ENTPD7: variants seen among roughly 807,000 people sequenced by gnomAD.
ENTPD7 encodes NTPDase 7.
A neutral mutation model predicts 77.9 loss-of-function variants in ENTPD7; 53 were observed. The observed-to-expected ratio is 0.68, with a 90% CI of 0.55 to 0.85. ENTPD7 has a LOEUF of 0.85. ENTPD7 is among the 40% of genes least tolerant of loss of function. The probability of loss-of-function intolerance (pLI) is 0.00; values close to 1 mark genes in which losing one functional copy is unlikely to be tolerated. For synonymous variants in ENTPD7, 248 were observed against 274.9 expected (o/e 0.90, Z 0.97); for missense variants, 636 against 743.7 (o/e 0.86, Z 1.68).
chr10:99,675,538 C>T (rs1450741874), intron 3 of ENTPD7, among the ~76,000 whole-genome samples: 1 of 101,836 alleles, frequency 9.8e-6, no homozygotes, highest in East Asian at 3.4e-4. Context: ...ATTCCAATTG[C>T]AACTCATCTT....
At position 99,707,138 on chromosome 10, in the gene ENTPD7, ATATG is replaced by A. The variant is rs1188656933; in HGVS notation, c.*2459_*2462del. ...CCTACATTTATCACTTTTTCAATATATATGTATTTCTTATTCTTATTTTGTCTTG... is the reference window on the plus strand; with the variant it reads ...CCTACATTTATCACTTTTTCAATATATATTTCTTATTCTTATTTTGTCTTG... On this transcript the variant is annotated 3_prime_UTR_variant, in exon 13 of 13. Transcript: ENST00000370489. Among the ~76,000 whole-genome samples the A allele has an allele frequency of 6.6e-6, 1 of 152,044 alleles. No individual in the cohort carries two copies. Among genetic ancestry groups the A allele is most frequent in the African/African-American group, 2.4e-5 (1 of 41,386 alleles).
At chr10:99,680,620 T>A (rs1177719531) in intron 5 of ENTPD7, among the ~76,000 whole-genome samples, 1 of 152,018 alleles carries the variant, frequency 6.6e-6, no homozygotes, top group Non-Finnish European at 1.5e-5. Flanking sequence ...CAGGGTCTGC[T>A]CTGTTGCCCA....
chr10:99,691,257 T>G, intron 7 of ENTPD7, 128 bp from the exon 8 acceptor site: 1 of 975,714 alleles, frequency 1.0e-6, no homozygotes. Context: ...CTCCCAGTGT[T>G]TTGGGATTAC....
intron 3 of ENTPD7, among the ~76,000 whole-genome samples, chr10:99,662,159 C>T (rs974879493): frequency 6.6e-6 from 1 of 151,902 alleles, no homozygotes; most frequent in African/African-American, 2.4e-5. Context: ...TTGGGGTGTT[C>T]GGGCCATTTA....
Position 99,698,740 on chromosome 10 carries a change from C to CGCCT in ENTPD7, c.1218_1221dup (p.Ile408AlafsTer3). The CGCCT allele has an allele frequency of 1.2e-6, 2 of 1,614,218 alleles. No homozygotes were observed. The highest frequency in any genetic ancestry group is 1.7e-6 in the Non-Finnish European group (2 of 1,180,026). On this transcript the variant is annotated frameshift_variant, in exon 10 of 13. Transcript: ENST00000370489. LOFTEE classifies it high-confidence loss of function. ...GCCTCACTCAATGGCATATATCAAT[C>CGCCT]GCCTATTGACTTCAACAACAGCGAG... is the stretch of plus-strand genomic sequence containing the variant.
At chr10:99,669,781 G>A (rs1390097059) in intron 3 of ENTPD7, among the ~76,000 whole-genome samples, 2 of 102,516 alleles carry the variant, frequency 2.0e-5, no homozygotes, top group African/African-American at 3.8e-5. Context: ...ACAGAGTCTT[G>A]CTCTGTCGTC....
Position 99,710,312 on chromosome 10 carries a change from T to G in ENTPD7, c.*5629T>G, listed in dbSNP as rs1209944502. Reference sequence around the variant, plus strand: ...TTGGTTTCTAGTGTTTCAGTTACTATGTTGTATTTGAAATTCTCATTCCAC... The same window carrying G: ...TTGGTTTCTAGTGTTTCAGTTACTAGGTTGTATTTGAAATTCTCATTCCAC... On this transcript the variant is annotated 3_prime_UTR_variant, in exon 13 of 13. Coordinates refer to ENST00000370489, the MANE Select transcript of ENTPD7 (RefSeq NM_020354.5). 1 of 985,342 alleles carries G rather than the reference T, an allele frequency of 1.0e-6. No homozygotes were observed. Among genetic ancestry groups the G allele is most frequent in the Admixed American group, 6.1e-5 (1 of 16,266 alleles). 61.0% of individuals were successfully genotyped at this position (985,342 alleles called of 1,614,324 possible). A position where few individuals can be genotyped will look rare whatever the true frequency, so the allele number is the denominator to read the frequency against.
At chr10:99,704,343 A>G in intron 12 of ENTPD7, 109 bp from the exon 13 acceptor site, 1 of 1,068,914 alleles carries the variant, frequency 9.4e-7, no homozygotes, top group Non-Finnish European at 1.4e-6. Context: ...TAAAATGTTT[A>G]TGTGGATGGA....
chr10:99,699,500 AT>A (rs2036061936), intron 10 of ENTPD7, among the ~76,000 whole-genome samples: 1 of 152,200 alleles, frequency 6.6e-6, no homozygotes, highest in Non-Finnish European at 1.5e-5. Context: ...ATTTAGGGCC[AT>A]CTCTTTGAAT....
At position 99,710,671 on chromosome 10, in the gene ENTPD7, A is replaced by G. The variant is rs968043777; in HGVS notation, c.*5988A>G. On this transcript the variant is annotated 3_prime_UTR_variant, in exon 13 of 13. Coordinates refer to ENST00000370489, the MANE Select transcript of ENTPD7 (RefSeq NM_020354.5). ...GCAGGGACATGGGTATATGTGTTAC[A>G]TATGCTGATATATAACCCACCATTC... The G allele has an allele frequency of 1.0e-6, 1 of 985,308 alleles. No individual in the cohort carries two copies. The highest frequency in any genetic ancestry group is 6.1e-5 in the Admixed American group (1 of 16,268). 61.0% of individuals were successfully genotyped at this position (985,308 alleles called of 1,614,324 possible).
chr10:99,680,498 C>T (rs1175762791), intron 5 of ENTPD7, among the ~76,000 whole-genome samples: 1 of 151,854 alleles, frequency 6.6e-6, no homozygotes, highest in African/African-American at 2.4e-5. Context: ...TTACGTAGGC[C>T]GGGGGAAGAA....
chr10:99,678,797 T>C, intron 3 of ENTPD7, among the ~76,000 whole-genome samples: 1 of 142,822 alleles, frequency 7.0e-6, no homozygotes, highest in Non-Finnish European at 1.5e-5. Flanking sequence ...AAAAATCACC[T>C]CCCAGAAACT....
rs1164546473 is a variant in ENTPD7, at chr10:99,685,829, T to A, written c.586T>A (p.Leu196Ile). The change falls in exon 6 of 13, where the codon TTA (leucine) becomes ATA (isoleucine). Residue 196 changes from leucine to isoleucine, a missense_variant. Physicochemically the swap from Leu to Ile is conservative, Grantham distance 5. Around this residue, in one of 3 missense-constraint regions of ENTPD7, gnomAD observed 486 missense variants for 556.5 expected, o/e 0.87. Coordinates refer to ENST00000370489, the MANE Select transcript of ENTPD7 (RefSeq NM_020354.5). ...LAILADLVKD[L>I]PLEFDFLFSQ... is the part of the protein sequence containing the mutation. ...TATCTTGGCTGACCTAGTGAAAGAT[T>A]TACCACTGGAGTTTGACTTCCTCTT... The A allele has an allele frequency of 6.2e-7, 1 of 1,613,770 alleles. No homozygotes were observed. Among genetic ancestry groups the A allele is most frequent in the Non-Finnish European group, 8.5e-7 (1 of 1,179,960 alleles).
chr10:99,679,936 T>C (rs2035731484), intron 5 of ENTPD7, 61 bp downstream of exon 5: 1 of 1,557,166 alleles, frequency 6.4e-7, no homozygotes, highest in African/African-American at 1.4e-5. Context: ...AAGGCCAGTT[T>C]CATGCACTGT....
At chr10:99,700,410 GTGTA>G (rs1270020973) in intron 10 of ENTPD7, among the ~76,000 whole-genome samples, 1,639 of 8,470 alleles carry the variant, frequency 0.19, 36 homozygotes, top group African/African-American at 0.34. Flanking sequence ...GTGTGTGTGT[GTGTA>G]TGTGTGTGTG....
At chr10:99,704,398 T>C in intron 12 of ENTPD7, 54 bp from the exon 13 acceptor site, 1 of 1,563,142 alleles carries the variant, frequency 6.4e-7, no homozygotes, top group Non-Finnish European at 8.8e-7. Flanking sequence ...AGTAAATGTC[T>C]CCCTTTGAAA....
intron 3 of ENTPD7, 103 bp downstream of exon 3, chr10:99,661,731 A>G (rs2035490028): frequency 1.0e-6 from 1 of 990,664 alleles, no homozygotes; most frequent in African/African-American, 1.7e-5. Context: ...TACTTTTATT[A>G]GTAAAATTGC....
intron 3 of ENTPD7, among the ~76,000 whole-genome samples, chr10:99,670,494 G>C (rs1400395300): frequency 6.6e-6 from 1 of 151,916 alleles, no homozygotes; most frequent in Non-Finnish European, 1.5e-5. Flanking sequence ...TCTAATAAAT[G>C]CATCATTAAG....
intron 3 of ENTPD7, among the ~76,000 whole-genome samples, chr10:99,666,817 T>G (rs2035556295): frequency 6.6e-6 from 1 of 152,232 alleles, no homozygotes; most frequent in South Asian, 2.1e-4. Flanking sequence ...TATTGAATAC[T>G]GTACTGAAAG....
Sources: gnomAD v4.1 joint callset for allele counts (sites outside exome capture counted in the v4.1 genomes callset) on GRCh38, gnomAD v4.1.1 for gene constraint, gnomAD v4.1.1 regional missense constraint, MANE v1.5 for transcripts, NCBI Gene and HGNC (gene_info 2026-07-23, HGNC 2026-07-21) for gene names.